Variants in FREM2 observed in about 807,000 individuals in gnomAD.
FREM2 encodes the protein FRAS1-related extracellular matrix protein 2.
Under a neutral mutation model 219.9 loss-of-function variants are expected in FREM2, and 119 were observed. That is an observed-to-expected ratio of 0.54 (90% CI 0.47 to 0.63). The LOEUF (loss-of-function observed/expected upper bound fraction) is 0.63, where lower values mean the gene tolerates loss of function less well. FREM2 is among the 30% of genes least tolerant of loss of function. The probability of loss-of-function intolerance (pLI) is 0.00; values close to 1 mark genes in which losing one functional copy is unlikely to be tolerated. For missense variants in FREM2, 4,030 were observed against 3,993.6 expected (o/e 1.01, Z -0.25); for synonymous variants, 1,562 against 1,522.8 (o/e 1.03, Z -0.60).
chr13:38,741,590 T>C (rs1239053891), intron 2 of FREM2, among the ~76,000 whole-genome samples: 3 of 152,168 alleles, frequency 2.0e-5, no homozygotes, highest in Non-Finnish European at 4.4e-5. Context: ...GTAGAGACAC[T>C]TAGTTTTAGC....
At chr13:38,696,144 A>G (rs1162827170) in intron 1 of FREM2, among the ~76,000 whole-genome samples, 1 of 152,190 alleles carries the variant, frequency 6.6e-6, no homozygotes, top group Non-Finnish European at 1.5e-5. Context: ...TTTGTTTTAA[A>G]AAACAAATGA....
chr13:38,807,532 G>A (rs566186877), intron 6 of FREM2, among the ~76,000 whole-genome samples: 3 of 151,780 alleles, frequency 2.0e-5, no homozygotes, highest in East Asian at 4.0e-4. Context: ...AGACTTCAAA[G>A]TTGAAATGAC....
chr13:38,722,824 A>G (rs1405556245), intron 2 of FREM2, among the ~76,000 whole-genome samples: 1 of 151,872 alleles, frequency 6.6e-6, no homozygotes, highest in East Asian at 1.9e-4. Context: ...AATATCAAAC[A>G]TAAGATTTCA....
chr13:38,783,515 C>T (rs562691528), intron 5 of FREM2, among the ~76,000 whole-genome samples: 30 of 146,976 alleles, frequency 2.0e-4, no homozygotes, highest in African/African-American at 7.5e-4. Flanking sequence ...GATGCGTGCC[C>T]AAGGAAAAGA....
chr13:38,758,834 GCTGT>G (rs1566131413), intron 2 of FREM2, among the ~76,000 whole-genome samples: 1 of 152,180 alleles, frequency 6.6e-6, no homozygotes, highest in Non-Finnish European at 1.5e-5. Context: ...CACCGTCCTT[GCTGT>G]CTAAGAGAAC....
At position 38,698,027 on chromosome 13, in the gene FREM2, G is replaced by C. The variant is rs79932946; in HGVS notation, c.5263+240G>C. 4.0e-3 allele frequency among the ~76,000 whole-genome samples: 608 copies of C among 152,264 alleles called. 4 individuals are homozygous for C. The highest frequency in any genetic ancestry group is 0.014 in the African/African-American group (585 of 41,544). On this transcript the variant is annotated intron_variant, in intron 2 of 23. Coordinates refer to ENST00000280481, the MANE Select transcript of FREM2 (RefSeq NM_207361.6). ...CTTACTATTTGTAAAGCACTAAAGA[G>C]AGAGATCTGTATAAATAGGATCTCC...
intron 6 of FREM2, among the ~76,000 whole-genome samples, chr13:38,840,625 A>AAATATATATATATATATATATAT (rs1279213784): frequency 3.0e-5 from 4 of 135,116 alleles, no homozygotes; most frequent in African/African-American, 1.3e-4. Context: ...ATAAAACTAA[A>AAATATATATATATATATATATAT]ATATATATAT....
intron 6 of FREM2, among the ~76,000 whole-genome samples, chr13:38,806,748 A>G (rs190373611): frequency 9.9e-5 from 15 of 152,034 alleles, no homozygotes; most frequent in Admixed American, 3.3e-4. Context: ...ATAAGACAAC[A>G]ATGAAGTATC....
Position 38,872,816 on chromosome 13 carries a change from G to A in FREM2, c.8058G>A (p.Val2686=), listed in dbSNP as rs569200602. Residue 2686 remains valine, a synonymous_variant, in exon 17 of 24, where the codon GTG becomes GTA. Coordinates refer to ENST00000280481, the MANE Select transcript of FREM2 (RefSeq NM_207361.6). ...TTTCCTACGTGTTCCATTCCCCCGTGGGGGTAGGAGGCTGGCAGCATTTTG... is the reference window on the plus strand; with the variant it reads ...TTTCCTACGTGTTCCATTCCCCCGTAGGGGTAGGAGGCTGGCAGCATTTTG... The part of the protein sequence containing the change: ...LYVSYVFHSP[V]GVGGWQHFDL... 3 of 1,614,006 alleles carry A rather than the reference G, an allele frequency of 1.9e-6. No individual in the cohort carries two copies. Among genetic ancestry groups the A allele is most frequent in the South Asian group, 1.1e-5 (1 of 91,082 alleles).
At chr13:38,853,710 A>G (rs1175050032) in intron 11 of FREM2, among the ~76,000 whole-genome samples, 2 of 152,242 alleles carry the variant, frequency 1.3e-5, no homozygotes, top group African/African-American at 2.4e-5. Flanking sequence ...ATTATTCTCT[A>G]TGTAAAACAA....
At chr13:38,728,571 A>T (rs78843162) in intron 2 of FREM2, among the ~76,000 whole-genome samples, 1 of 151,738 alleles carries the variant, frequency 6.6e-6, no homozygotes, top group Non-Finnish European at 1.5e-5. Context: ...ATGCCCAGCT[A>T]ATTTTTTTTT....
At chr13:38,772,684 T>C (rs1873710941) in intron 4 of FREM2, among the ~76,000 whole-genome samples, 1 of 132,902 alleles carries the variant, frequency 7.5e-6, no homozygotes, top group African/African-American at 2.9e-5. Context: ...AAAAGAACTT[T>C]CTTTTTTTCT....
At chr13:38,720,291 A>G (rs1476020315) in intron 2 of FREM2, among the ~76,000 whole-genome samples, 1 of 152,202 alleles carries the variant, frequency 6.6e-6, no homozygotes, top group Non-Finnish European at 1.5e-5. Context: ...AAAGAAAATC[A>G]CTTAGTACTG....
chr13:38,840,644 A>ATATATATATATATATATATATATGTG lies in FREM2; in HGVS notation c.6020-5928_6020-5927insATATATATATATATATATATATGTGT, dbSNP rs1184958401. 1.4e-3 allele frequency among the ~76,000 whole-genome samples: 187 copies of ATATATATATATATATATATATATGTG among 134,218 alleles called. 2 individuals carry two copies. The highest frequency in any genetic ancestry group is 5.1e-3 in the African/African-American group (177 of 35,020). The allele number at this position is 134,218 out of a possible 152,430, so 88.1% of individuals were successfully genotyped here. Reference sequence around the variant, plus strand: ...AACTAAAATATATATATATATATATATGTGTATGTATATATATACACACAC... The same window carrying ATATATATATATATATATATATATGTG: ...AACTAAAATATATATATATATATATATATATATATATATATATATATATGTGTGTGTATGTATATATATACACACAC... On this transcript the variant is annotated intron_variant, in intron 6 of 23. Transcript: ENST00000280481.
At chr13:38,758,307 T>C (rs1346994091) in intron 2 of FREM2, among the ~76,000 whole-genome samples, 1 of 152,228 alleles carries the variant, frequency 6.6e-6, no homozygotes, top group Non-Finnish European at 1.5e-5. Flanking sequence ...TTCTTATACC[T>C]AATCTTCCAG....
chr13:38,714,954 T>C (rs556178522), intron 2 of FREM2, among the ~76,000 whole-genome samples: 4 of 151,202 alleles, frequency 2.6e-5, no homozygotes, highest in African/African-American at 9.7e-5. Context: ...TAGCTGGGCA[T>C]GGTGGCGGGC....
In FREM2 at chr13:38,864,625, T is replaced by C; in HGVS notation, c.7983+19T>C. The C allele has an allele frequency of 6.2e-7, 1 of 1,606,046 alleles. No individual in the cohort carries two copies. The highest frequency in any genetic ancestry group is 8.5e-7 in the Non-Finnish European group (1 of 1,172,594). ...TGGACAGGTACAGATTTATAACATC[T>C]GAGTTTGGTCACTGGATAAACCAAT... is the stretch of plus-strand genomic sequence containing the variant. On this transcript the variant is annotated intron_variant, in intron 16 of 23. Transcript: ENST00000280481.
rs1284043030 is a variant in FREM2, at chr13:38,882,183, TTTCGCTTAGAA to T, written c.*1397_*1407del. The stretch of plus-strand genomic sequence containing the variant: ...TGTGTTTGTTACCAAATAGCAGAAA[TTTCGCTTAGAA>T]GGGGAAAACTTCAGCTTTCCAAAAG... On this transcript the variant is annotated 3_prime_UTR_variant, in exon 24 of 24. Coordinates refer to ENST00000280481, the MANE Select transcript of FREM2 (RefSeq NM_207361.6). The T allele has an allele frequency of 2.6e-5, 4 of 152,136 alleles. No individual in the cohort carries two copies. The highest frequency in any genetic ancestry group is 7.2e-5 in the African/African-American group (3 of 41,436). 9.4% of individuals were successfully genotyped at this position (152,136 alleles called of 1,614,324 possible). A position where few individuals can be genotyped will look rare whatever the true frequency, so the allele number is the denominator to read the frequency against.
intron 6 of FREM2, among the ~76,000 whole-genome samples, chr13:38,792,668 T>C (rs1213237773): frequency 6.6e-6 from 1 of 152,200 alleles, no homozygotes; most frequent in African/African-American, 2.4e-5. Flanking sequence ...AGTCATCCAC[T>C]TGGGCGTCTT....
Sources: allele counts gnomAD v4.1 joint callset (sites outside exome capture counted in the v4.1 genomes callset), GRCh38; gene constraint gnomAD v4.1.1; transcripts MANE v1.5; gene names NCBI Gene and HGNC (gene_info 2026-07-23, HGNC 2026-07-21).